Variants in PPP2R3A observed in about 807,000 individuals in gnomAD.
The protein encoded by PPP2R3A is serine/threonine-protein phosphatase 2A regulatory subunit B'' subunit alpha.
Under a neutral mutation model 106.9 loss-of-function variants are expected in PPP2R3A, and 80 were observed. The observed-to-expected ratio is 0.75, with a 90% CI of 0.62 to 0.90. PPP2R3A has a LOEUF of 0.90. Among genes scored for constraint, PPP2R3A ranks in the 40% least tolerant of loss-of-function variants. The pLI is 0.00. For synonymous variants in PPP2R3A, 483 were observed against 468.3 expected (o/e 1.03, Z -0.41); for missense variants, 1,386 against 1,350.4 (o/e 1.03, Z -0.41).
chr3:136,130,234 T>A (rs1007142110), intron 13 of PPP2R3A, among the ~76,000 whole-genome samples: 2 of 152,202 alleles, frequency 1.3e-5, no homozygotes, highest in African/African-American at 2.4e-5. Flanking sequence ...TTGTCCCTGT[T>A]TGCAGATGCC....
intron 13 of PPP2R3A, among the ~76,000 whole-genome samples, chr3:136,137,531 G>C (rs1350484530): frequency 6.7e-5 from 3 of 45,010 alleles, no homozygotes; most frequent in Non-Finnish European, 1.5e-4. Context: ...TACTCTGTCA[G>C]AGATTTTTTT....
chr3:136,036,897 C>T (rs973230268), intron 3 of PPP2R3A, among the ~76,000 whole-genome samples: 6 of 152,280 alleles, frequency 3.9e-5, no homozygotes, highest in East Asian at 1.9e-4. Flanking sequence ...TCCTTATTTT[C>T]GACAGTTCTT....
At chr3:136,142,784 A>G (rs1405813599) in intron 13 of PPP2R3A, among the ~76,000 whole-genome samples, 1 of 152,226 alleles carries the variant, frequency 6.6e-6, no homozygotes, top group Admixed American at 6.5e-5. Context: ...CACACTTCAC[A>G]CTTAACTCTG....
chr3:136,016,237 A>T (rs979931359), intron 2 of PPP2R3A, among the ~76,000 whole-genome samples: 1 of 152,192 alleles, frequency 6.6e-6, no homozygotes, highest in African/African-American at 2.4e-5. Flanking sequence ...GTGGCCTATC[A>T]TATGGTCTGT....
chr3:136,000,667 G>T (rs1476076611), intron 1 of PPP2R3A, among the ~76,000 whole-genome samples: 2 of 152,136 alleles, frequency 1.3e-5, no homozygotes. Context: ...ATTATAGATG[G>T]ATTGGAACAG....
chr3:136,047,330 G>A (rs1935505407), intron 4 of PPP2R3A, among the ~76,000 whole-genome samples: 1 of 152,192 alleles, frequency 6.6e-6, no homozygotes, highest in African/African-American at 2.4e-5. Context: ...CTGCCAAAAA[G>A]ACTTATGCAC....
chr3:135,975,402 A>G (rs1937390628), intron 1 of PPP2R3A, among the ~76,000 whole-genome samples: 1 of 152,200 alleles, frequency 6.6e-6, no homozygotes, highest in South Asian at 2.1e-4. Flanking sequence ...TGGTGGGTTC[A>G]TGTTATTAAA....
chr3:136,136,556 C>G (rs1215729669), intron 13 of PPP2R3A, among the ~76,000 whole-genome samples: 1 of 152,012 alleles, frequency 6.6e-6, no homozygotes, highest in Non-Finnish European at 1.5e-5. Flanking sequence ...AAAAATGGAG[C>G]TATTTGTTTT....
intron 1 of PPP2R3A, among the ~76,000 whole-genome samples, chr3:135,987,623 T>TA (rs1452476560): frequency 6.6e-6 from 1 of 152,128 alleles, no homozygotes; most frequent in East Asian, 1.9e-4. Flanking sequence ...GTGCCTCACT[T>TA]ACAATATTTG....
At chr3:136,003,768 A>G (rs1046961358) in intron 2 of PPP2R3A, among the ~76,000 whole-genome samples, 6 of 152,142 alleles carry the variant, frequency 3.9e-5, no homozygotes, top group Non-Finnish European at 5.9e-5. Context: ...CCAAAGAAAA[A>G]TTACTTACCT....
chr3:136,127,749 AG>A (rs1938237039), intron 13 of PPP2R3A, among the ~76,000 whole-genome samples: 1 of 152,232 alleles, frequency 6.6e-6, no homozygotes, highest in African/African-American at 2.4e-5. Context: ...GAAAGTGCTA[AG>A]GGCAGCCAGA....
chr3:136,129,662 T>G (rs1360300300), intron 13 of PPP2R3A, among the ~76,000 whole-genome samples: 1 of 152,202 alleles, frequency 6.6e-6, no homozygotes, highest in Non-Finnish European at 1.5e-5. Flanking sequence ...TTCTAACTCA[T>G]TTTATGAGGC....
At chr3:136,047,822 G>A (rs545069474) in intron 4 of PPP2R3A, among the ~76,000 whole-genome samples, 1 of 151,856 alleles carries the variant, frequency 6.6e-6, no homozygotes, top group Non-Finnish European at 1.5e-5. Context: ...GGAGAATGGC[G>A]TGAACCCAGA....
rs1377659842 is a variant in PPP2R3A, at chr3:136,147,597, TTC to T, written c.*2432_*2433del. On this transcript the variant is annotated 3_prime_UTR_variant, in exon 14 of 14. Transcript: ENST00000264977. Reference sequence around the variant, plus strand: ...TAATCATTACTGCCAAACTGGAATTTTCAAGTTATTATAATATCCCAGGCCCC... The same window carrying T: ...TAATCATTACTGCCAAACTGGAATTTAAGTTATTATAATATCCCAGGCCCC... 6.6e-6 allele frequency: 1 copy of T among 152,630 alleles called. No homozygotes were observed. The highest frequency in any genetic ancestry group is 1.9e-4 in the East Asian group (1 of 5,204). The allele number at this position is 152,630 out of a possible 1,614,324, so 9.5% of individuals were successfully genotyped here.
chr3:135,979,438 G>A (rs1218244868), intron 1 of PPP2R3A, among the ~76,000 whole-genome samples: 1 of 151,714 alleles, frequency 6.6e-6, no homozygotes. Context: ...TTAAAGGCCT[G>A]ACCACTGAAA....
At chr3:136,049,887 C>T (rs1241250611) in intron 5 of PPP2R3A, among the ~76,000 whole-genome samples, 2 of 151,980 alleles carry the variant, frequency 1.3e-5, no homozygotes, top group African/African-American at 4.8e-5. Flanking sequence ...ATATTTGAAA[C>T]AGAAAATTAG....
intron 3 of PPP2R3A, among the ~76,000 whole-genome samples, chr3:136,038,683 C>T (rs1361171630): frequency 2.0e-5 from 3 of 152,136 alleles, no homozygotes; most frequent in African/African-American, 7.2e-5. Flanking sequence ...CGATTCTTTC[C>T]CAGTAGTTGC....
chr3:135,983,356 A>G (rs537994392), intron 1 of PPP2R3A, among the ~76,000 whole-genome samples: 1 of 152,236 alleles, frequency 6.6e-6, no homozygotes, highest in South Asian at 2.1e-4. Context: ...GTAAATTGTG[A>G]TGGCTTTCTG....
intron 10 of PPP2R3A, among the ~76,000 whole-genome samples, chr3:136,092,596 C>T (rs1021233157): frequency 1.3e-5 from 2 of 151,906 alleles, no homozygotes; most frequent in Non-Finnish European, 2.9e-5. Flanking sequence ...ATGTAGGACT[C>T]ATATTTCCCT....
Sources: gnomAD v4.1 joint callset for allele counts (sites outside exome capture counted in the v4.1 genomes callset) on GRCh38, gnomAD v4.1.1 for gene constraint, MANE v1.5 for transcripts, NCBI Gene and HGNC (gene_info 2026-07-23, HGNC 2026-07-21) for gene names.